The following CUX2 variants were observed in gnomAD, a reference collection of about 807,000 sequenced individuals.
CUX2 encodes homeobox protein cut-like 2.
In CUX2, 40 loss-of-function variants were observed where a neutral mutation model predicts 144.8. That is an observed-to-expected ratio of 0.28 (90% CI 0.21 to 0.36). The LOEUF (loss-of-function observed/expected upper bound fraction) is 0.36. CUX2 is among the 10% of genes least tolerant of loss of function. CUX2 has a pLI of 1.00. For synonymous variants in CUX2, 827 were observed against 875.6 expected (o/e 0.94, Z 0.98); for missense variants, 1,615 against 1,994.0 (o/e 0.81, Z 3.62).
chr12:111,223,936 GC>G (rs145196559), intron 3 of CUX2, among the ~76,000 whole-genome samples: 239 of 152,286 alleles, frequency 1.6e-3, no homozygotes, highest in African/African-American at 5.5e-3. Context: ...CAACCCTGGA[GC>G]CCCTGGCATT....
At position 111,175,803 on chromosome 12, in the gene CUX2, T is replaced by A. The variant is rs555701276; in HGVS notation, c.64-38397T>A. Among the ~76,000 whole-genome samples the A allele has an allele frequency of 7.2e-5, 11 of 152,110 alleles. No homozygotes were observed. In the East Asian group the frequency reaches 2.1e-3, roughly 29 times the overall value. The stretch of plus-strand genomic sequence containing the variant: ...TTTTTCACCGCCGGTTGCAATGTTT[T>A]TGTTTAAAAAAAAAAAGTAAGCGGG... On this transcript the variant is annotated intron_variant, in intron 1 of 21. Transcript: ENST00000261726.
At position 111,064,378 on chromosome 12, in the gene CUX2, G is replaced by A. The variant is rs374742007; in HGVS notation, c.63+30138G>A. 8.9e-4 allele frequency among the ~76,000 whole-genome samples: 136 copies of A among 152,262 alleles called. 3 individuals are homozygous for A. In the South Asian group the frequency reaches 0.027, roughly 30 times the overall value. On this transcript the variant is annotated intron_variant, in intron 1 of 21. Transcript: ENST00000261726. Reference sequence around the variant, plus strand: ...AAAATGGGGATAAAATAACTTCCTCGTAGGGCTATCATGGGATTTAAACAT... The same window carrying A: ...AAAATGGGGATAAAATAACTTCCTCATAGGGCTATCATGGGATTTAAACAT...
chr12:111,257,027 C>T (rs1272274873), intron 3 of CUX2, among the ~76,000 whole-genome samples: 1 of 152,066 alleles, frequency 6.6e-6, no homozygotes, highest in South Asian at 2.1e-4. Context: ...TGACTCGCCC[C>T]TGGCAGAAGC....
At chr12:111,058,225 A>G (rs1342542479) in intron 1 of CUX2, among the ~76,000 whole-genome samples, 5 of 152,162 alleles carry the variant, frequency 3.3e-5, no homozygotes, top group African/African-American at 7.2e-5. Context: ...ACAGTGTGGC[A>G]AGTGTTTTAA....
chr12:111,194,294 C>T (rs1208008612), intron 1 of CUX2, among the ~76,000 whole-genome samples: 1 of 152,188 alleles, frequency 6.6e-6, no homozygotes, highest in East Asian at 1.9e-4. Context: ...GTGATAAGCA[C>T]AAAATAAATG....
At chr12:111,145,125 T>G (rs1241072832) in intron 1 of CUX2, among the ~76,000 whole-genome samples, 2 of 152,182 alleles carry the variant, frequency 1.3e-5, no homozygotes, top group Admixed American at 1.3e-4. Flanking sequence ...CCCTCTTTCC[T>G]CGAGCTGTCA....
At chr12:111,297,723 A>G (rs1228889756) in intron 8 of CUX2, among the ~76,000 whole-genome samples, 1 of 152,198 alleles carries the variant, frequency 6.6e-6, no homozygotes, top group African/African-American at 2.4e-5. Flanking sequence ...GAAACATGAG[A>G]ACATGACCCG....
intron 8 of CUX2, 91 bp downstream of exon 8, chr12:111,296,630 TCTGACCCTCCCA>T (rs1012839544): frequency 8.1e-7 from 1 of 1,234,482 alleles, no homozygotes; most frequent in Non-Finnish European, 1.2e-6. Context: ...GCCTCCTCCC[TCTGACCCTCCCA>T]GACACACCTC....
In CUX2 at chr12:111,293,670, C is replaced by A; in HGVS notation, c.560+101C>A. On this transcript the variant is annotated intron_variant, in intron 6 of 21. Transcript: ENST00000261726. This position sits in a 1 kb window ranked among gnomAD's most constrained non-coding sequence, Gnocchi z 4.5. ...ACGGGGAAAGTCTCCTACCAGAATC[C>A]AGATGCAGGCTGGAGACCGAGATGA... The A allele has an allele frequency of 6.9e-7, 1 of 1,447,748 alleles. No individual in the cohort carries two copies. The highest frequency in any genetic ancestry group is 9.2e-7 in the Non-Finnish European group (1 of 1,084,734). The allele number at this position is 1,447,748 out of a possible 1,614,324, so 89.7% of individuals were successfully genotyped here. A position where few individuals can be genotyped will look rare whatever the true frequency, so the allele number is the denominator to read the frequency against.
intron 4 of CUX2, among the ~76,000 whole-genome samples, chr12:111,290,040 G>T (rs1885588517): frequency 1.3e-5 from 2 of 152,170 alleles, no homozygotes; most frequent in African/African-American, 2.4e-5. Flanking sequence ...GGGAAGATTG[G>T]CCTCAGAGCG....
intron 1 of CUX2, among the ~76,000 whole-genome samples, chr12:111,079,776 T>A (rs1022447073): frequency 2.0e-5 from 3 of 152,170 alleles, no homozygotes; most frequent in Admixed American, 1.3e-4. Flanking sequence ...TGTGTCCAGG[T>A]CAGTTTGTGT....
At chr12:111,232,081 CCCA>C (rs2136245816) in intron 3 of CUX2, among the ~76,000 whole-genome samples, 1 of 151,998 alleles carries the variant, frequency 6.6e-6, no homozygotes, top group East Asian at 1.9e-4. Flanking sequence ...TCAACAACAG[CCCA>C]GATGTCAGAT....
intron 1 of CUX2, among the ~76,000 whole-genome samples, chr12:111,125,191 T>G (rs553502621): frequency 3.3e-5 from 5 of 152,022 alleles, no homozygotes; most frequent in African/African-American, 1.2e-4. Context: ...TTTTTTTTTT[T>G]TTTTTTGAGA....
At chr12:111,139,888 C>T (rs1294050773) in intron 1 of CUX2, among the ~76,000 whole-genome samples, 1 of 152,172 alleles carries the variant, frequency 6.6e-6, no homozygotes, top group Non-Finnish European at 1.5e-5. Flanking sequence ...ATCGGACAAA[C>T]CCAGGTGCTA....
At chr12:111,168,237 T>C (rs1478822938) in intron 1 of CUX2, among the ~76,000 whole-genome samples, 1 of 152,196 alleles carries the variant, frequency 6.6e-6, no homozygotes. Context: ...AACTCTGCTG[T>C]GTTCACACAT....
At chr12:111,097,957 G>A (rs1323126980) in intron 1 of CUX2, among the ~76,000 whole-genome samples, 3 of 152,194 alleles carry the variant, frequency 2.0e-5, no homozygotes, top group East Asian at 1.9e-4. Context: ...ACTTTTCCCC[G>A]AGGCTCAGAG....
Position 111,341,825 on chromosome 12 carries a change from G to A in CUX2, c.3431G>A (p.Ser1144Asn), listed in dbSNP as rs777934083. 1 of 1,612,444 alleles carries A rather than the reference G, an allele frequency of 6.2e-7. No individual in the cohort carries two copies. Among genetic ancestry groups the A allele is most frequent in the African/African-American group, 1.3e-5 (1 of 74,882 alleles). ...RYGLISTGSD[S>N]ESPATRSECP... is the part of the protein sequence containing the mutation. Reference sequence around the variant, plus strand: ...GGCCTCATCAGCACCGGCTCAGACAGTGAGTCCCCGGCCACCCGCTCAGAG... The same window carrying A: ...GGCCTCATCAGCACCGGCTCAGACAATGAGTCCCCGGCCACCCGCTCAGAG... Residue 1144 changes from serine (S) to asparagine (N), a missense_variant, in exon 21 of 22, where the codon AGT becomes AAT. Ser to Asn is a conservative substitution (Grantham distance 46). Transcript: ENST00000261726.
At chr12:111,317,271 A>C (rs779114502) in intron 16 of CUX2, among the ~76,000 whole-genome samples, 50 of 152,170 alleles carry the variant, frequency 3.3e-4, no homozygotes, top group Admixed American at 2.3e-3. Context: ...AGAGGGAAGC[A>C]CCTTTTCATT....
chr12:111,106,138 TG>T (rs1181355340), intron 1 of CUX2, among the ~76,000 whole-genome samples: 1 of 151,378 alleles, frequency 6.6e-6, no homozygotes, highest in Non-Finnish European at 1.5e-5. Context: ...TAGCTGGAAC[TG>T]TAGGCTGGTA....
Sources: gnomAD v4.1 joint callset for allele counts (sites outside exome capture counted in the v4.1 genomes callset) on GRCh38, gnomAD v4.1.1 for gene constraint, Gnocchi (gnomAD v3.1) non-coding constraint, MANE v1.5 for transcripts, NCBI Gene and HGNC (gene_info 2026-07-23, HGNC 2026-07-21) for gene names.